The following SAMD4A variants were observed in gnomAD, a reference collection of about 807,000 sequenced individuals.
The protein encoded by SAMD4A is sterile alpha motif domain containing 4A, also known as protein Smaug homolog 1.
In SAMD4A, 33 loss-of-function variants were observed where a neutral mutation model predicts 81.3. The observed-to-expected ratio is 0.41, with a 90% CI of 0.31 to 0.54. SAMD4A has a LOEUF of 0.54. SAMD4A is among the 20% of genes least tolerant of loss of function. The pLI is 0.37. For missense variants in SAMD4A, 854 were observed against 951.1 expected, an observed-to-expected ratio of 0.90 and a Z score of 1.34; for synonymous variants, 389 against 382.1, an observed-to-expected ratio of 1.02 and a Z score of -0.21.
chr14:54,702,370 G>T lies in SAMD4A; in HGVS notation c.505G>T (p.Val169Leu). Residue 169 changes from valine (V) to leucine (L), a missense_variant, in exon 3 of 13, where the codon GTG (valine) becomes TTG (leucine). Transcript: ENST00000554335. ...GGQNRGRSDSVDYGQTHYYHQ... is the reference protein window; with the variant it reads ...GGQNRGRSDSLDYGQTHYYHQ... ...CCAGAACCGAGGCCGCTCAGACTCTGTGGATTATGGACAGACACACTACTA... is the reference window on the plus strand; with the variant it reads ...CCAGAACCGAGGCCGCTCAGACTCTTTGGATTATGGACAGACACACTACTA... 1 of 1,614,186 alleles carries T rather than the reference G, an allele frequency of 6.2e-7. No homozygotes were observed. The highest frequency in any genetic ancestry group is 8.5e-7 in the Non-Finnish European group (1 of 1,180,008).
At chr14:54,703,431 A>G (rs1307246093) in intron 3 of SAMD4A, 1 of 152,234 alleles carries the variant, frequency 6.6e-6, no homozygotes, top group Non-Finnish European at 1.5e-5. Flanking sequence ...CCTGTCTTCA[A>G]ACAGCGTTCC....
rs1191163371 is a variant in SAMD4A at position 54,658,317 on chromosome 14, TAAAA to T, written c.197-43743_197-43740del. On this transcript the variant is annotated intron_variant, in intron 2 of 12. Coordinates refer to ENST00000554335, the MANE Select transcript of SAMD4A (RefSeq NM_015589.6). ...CAGAGCACAACTGTGTCTCAAAAAA[TAAAA>T]AGAGCATGTAACTATTTGGCTTTCC... 3.9e-5 allele frequency among the ~76,000 whole-genome samples: 6 copies of T among 152,074 alleles called. 1 individual carries two copies. In the South Asian group the frequency reaches 1.3e-3, roughly 32 times the overall value.
At chr14:54,683,090 G>A (rs1412738115) in intron 2 of SAMD4A, among the ~76,000 whole-genome samples, 1 of 152,168 alleles carries the variant, frequency 6.6e-6, no homozygotes, top group African/African-American at 2.4e-5. Context: ...TGGGCTTCAT[G>A]GGCTTGGACT....
At chr14:54,611,340 A>T (rs2034349536) in intron 2 of SAMD4A, among the ~76,000 whole-genome samples, 1 of 152,162 alleles carries the variant, frequency 6.6e-6, no homozygotes, top group African/African-American at 2.4e-5. Context: ...CATTCTGCTG[A>T]ATGAGCAACA....
At chr14:54,669,367 G>C (rs918377577) in intron 2 of SAMD4A, among the ~76,000 whole-genome samples, 117 of 151,744 alleles carry the variant, frequency 7.7e-4, no homozygotes, top group African/African-American at 2.7e-3. Flanking sequence ...AATGTGTACC[G>C]AATGTGTCAA....
At chr14:54,663,457 G>A (rs1262984372) in intron 2 of SAMD4A, among the ~76,000 whole-genome samples, 1 of 152,162 alleles carries the variant, frequency 6.6e-6, no homozygotes, top group Non-Finnish European at 1.5e-5. Flanking sequence ...AAGACACAAC[G>A]TGAACCTTCG....
At chr14:54,761,304 C>T (rs1566625394) in intron 7 of SAMD4A, among the ~76,000 whole-genome samples, 1 of 152,208 alleles carries the variant, frequency 6.6e-6, no homozygotes, top group East Asian at 1.9e-4. Context: ...CCTGCAGTCT[C>T]TCCATCATGC....
chr14:54,687,550 A>AGCCGGTGACACAGAGCATCTGG (rs2036306869), intron 2 of SAMD4A: 1 of 358,968 alleles, frequency 2.8e-6, no homozygotes, highest in African/African-American at 2.1e-5. Context: ...TATGTTACTA[A>AGCCGGTGACACAGAGCATCTGG]GCCGGTGACA....
At chr14:54,754,550 T>C (rs1449692116) in intron 6 of SAMD4A, among the ~76,000 whole-genome samples, 1 of 152,202 alleles carries the variant, frequency 6.6e-6, no homozygotes, top group African/African-American at 2.4e-5. Flanking sequence ...GGCCCTCCTC[T>C]GTCTTCTCTG....
At chr14:54,681,981 G>A in intron 2 of SAMD4A, 3 of 985,354 alleles carry the variant, frequency 3.0e-6, no homozygotes, top group Non-Finnish European at 3.6e-6. Context: ...TAATTATGCT[G>A]TCATAACATG....
chr14:54,749,282 C>A (rs1293137181), intron 5 of SAMD4A, among the ~76,000 whole-genome samples: 1 of 152,154 alleles, frequency 6.6e-6, no homozygotes, highest in Non-Finnish European at 1.5e-5. Flanking sequence ...TACATCCCTG[C>A]CTTTGCTTTT....
At chr14:54,783,167 A>C (rs77156019) in intron 11 of SAMD4A, among the ~76,000 whole-genome samples, 10 of 151,916 alleles carry the variant, frequency 6.6e-5, no homozygotes, top group African/African-American at 1.9e-4. Context: ...TAAAAAAAAA[A>C]AAAAAAACAA....
At chr14:54,726,931 A>G (rs2037429435) in intron 3 of SAMD4A, among the ~76,000 whole-genome samples, 2 of 152,144 alleles carry the variant, frequency 1.3e-5, no homozygotes, top group South Asian at 4.1e-4. Context: ...CATTCTATAA[A>G]GTTGTTGTGA....
At chr14:54,592,554 G>C (rs1594705362) in intron 2 of SAMD4A, among the ~76,000 whole-genome samples, 1 of 152,100 alleles carries the variant, frequency 6.6e-6, no homozygotes, top group Admixed American at 6.6e-5. Context: ...CTGCCTCCCG[G>C]GTTCACGCCA....
At chr14:54,671,156 A>G (rs1170173773) in intron 2 of SAMD4A, among the ~76,000 whole-genome samples, 1 of 152,234 alleles carries the variant, frequency 6.6e-6, no homozygotes, top group Non-Finnish European at 1.5e-5. Flanking sequence ...CGTAAGAGAA[A>G]GATCACTGAA....
At chr14:54,786,051 G>A (rs1423317352) in intron 12 of SAMD4A, among the ~76,000 whole-genome samples, 1 of 152,208 alleles carries the variant, frequency 6.6e-6, no homozygotes, top group Non-Finnish European at 1.5e-5. Flanking sequence ...GAGGAGACTG[G>A]GTCAGCAGCC....
At chr14:54,633,799 C>T (rs2034962327) in intron 2 of SAMD4A, among the ~76,000 whole-genome samples, 1 of 152,150 alleles carries the variant, frequency 6.6e-6, no homozygotes, top group Admixed American at 6.5e-5. Context: ...TTCACATTTT[C>T]ATATGGTGGT....
chr14:54,644,213 G>A (rs2140395518), intron 2 of SAMD4A, among the ~76,000 whole-genome samples: 1 of 152,264 alleles, frequency 6.6e-6, no homozygotes, highest in Non-Finnish European at 1.5e-5. Flanking sequence ...AGGAGAATGG[G>A]ACAGAGAGGT....
intron 8 of SAMD4A, among the ~76,000 whole-genome samples, chr14:54,768,397 A>C (rs780369506): frequency 5.9e-5 from 9 of 152,132 alleles, no homozygotes; most frequent in Admixed American, 1.3e-4. Context: ...TGAGGGAGAT[A>C]TTATTATCCT....
Sources: gnomAD v4.1 joint callset for allele counts (sites outside exome capture counted in the v4.1 genomes callset) on GRCh38, gnomAD v4.1.1 for gene constraint, MANE v1.5 for transcripts, NCBI Gene and HGNC (gene_info 2026-07-23, HGNC 2026-07-21) for gene names.